The following TMEM51 variants were observed in gnomAD, a reference collection of about 807,000 sequenced individuals.
TMEM51 encodes the protein transmembrane protein 51, also known as chromosome 1 open reading frame 72.
TMEM51 carries 8 observed loss-of-function variants against 13.6 expected under a neutral mutation model. The observed-to-expected ratio is 0.59, with a 90% CI of 0.35 to 1.07. The LOEUF (loss-of-function observed/expected upper bound fraction) is 1.07, where lower values mean the gene tolerates loss of function less well. Ranked by LOEUF, TMEM51 falls within the 50% of genes least tolerant of loss-of-function variation. The pLI, the probability that TMEM51 is intolerant of heterozygous loss-of-function variation, is 0.02. For synonymous variants in TMEM51, 147 were observed against 144.4 expected, an observed-to-expected ratio of 1.02 and a Z score of -0.13; for missense variants, 279 against 330.7, an observed-to-expected ratio of 0.84 and a Z score of 1.21.
chr1:15,201,705 G>T (rs1432159768), intron 1 of TMEM51, among the ~76,000 whole-genome samples: 1 of 152,196 alleles, frequency 6.6e-6, no homozygotes, highest in Non-Finnish European at 1.5e-5. Context: ...ATGGCGAGGG[G>T]AGGGGGACAA....
At chr1:15,195,641 G>C (rs1281431978) in intron 1 of TMEM51, among the ~76,000 whole-genome samples, 1 of 152,106 alleles carries the variant, frequency 6.6e-6, no homozygotes, top group Admixed American at 6.5e-5. Context: ...CTTGAGTTCT[G>C]AGATTACTAC....
rs1026468860 is a variant in TMEM51, at chr1:15,207,320, C to T, written c.-266-3170C>T. Among the ~76,000 whole-genome samples the T allele has an allele frequency of 2.0e-5, 3 of 152,310 alleles. No individual in the cohort carries two copies. Among genetic ancestry groups the T allele is most frequent in the African/African-American group, 7.2e-5 (3 of 41,572 alleles). ...GCCACAGCACAGAACTCAGTGGTCA[C>T]GTGAGGGTCTACATCCGATTCCCAG... On this transcript the variant is annotated intron_variant, in intron 1 of 3. Transcript: ENST00000376008. The surrounding 1 kb of genome is among the most constrained non-coding windows in gnomAD (Gnocchi z 4.6).
chr1:15,201,991 G>A (rs2050233), intron 1 of TMEM51, among the ~76,000 whole-genome samples: 109,860 of 151,982 alleles, frequency 0.72, 40,495 homozygotes, highest in East Asian at 0.96. Flanking sequence ...AGTACTTAAA[G>A]TAAACGTCAG....
rs59346950 is a variant in TMEM51, at chr1:15,189,213, CT to C, written c.-266-21255del. On this transcript the variant is annotated intron_variant, in intron 1 of 3. Transcript: ENST00000376008. ...CTTCACCACACCCAGCTAATTTTTCCTTTTTTTTTTTTTTTTTTTTTTAGTA... is the reference window on the plus strand; with the variant it reads ...CTTCACCACACCCAGCTAATTTTTCCTTTTTTTTTTTTTTTTTTTTTAGTA... Among the ~76,000 whole-genome samples, 880 of 92,834 alleles carry C rather than the reference CT, an allele frequency of 9.5e-3. 18 individuals carry two copies. Among genetic ancestry groups the C allele is most frequent in the African/African-American group, 0.031 (735 of 23,436 alleles). The allele number at this position is 92,834 out of a possible 152,430, so 60.9% of individuals were successfully genotyped here.
chr1:15,219,681 A>ACTC lies in TMEM51; in HGVS notation c.705_707dup (p.Pro237dup). On this transcript the variant is annotated inframe_insertion, in exon 4 of 4. Coordinates refer to ENST00000376008, the MANE Select transcript of TMEM51 (RefSeq NM_001136218.2). ...CCCTCCTCCCTCGATAGAGCCTTTGACTCCTCCACCGCAGTATGATGAAGT... is the reference window on the plus strand; with the variant it reads ...CCCTCCTCCCTCGATAGAGCCTTTGACTCCTCCTCCACCGCAGTATGATGAAGT... 6.2e-7 allele frequency: 1 copy of ACTC among 1,613,464 alleles called. No individual in the cohort carries two copies. The highest frequency in any genetic ancestry group is 8.5e-7 in the Non-Finnish European group (1 of 1,179,962).
At chr1:15,201,155 T>C (rs1255268022) in intron 1 of TMEM51, among the ~76,000 whole-genome samples, 1 of 152,218 alleles carries the variant, frequency 6.6e-6, no homozygotes, top group Non-Finnish European at 1.5e-5. Flanking sequence ...TTTGAGCAAG[T>C]TTCTTAACTT....
chr1:15,204,027 T>C (rs1644205647), intron 1 of TMEM51, among the ~76,000 whole-genome samples: 1 of 152,244 alleles, frequency 6.6e-6, no homozygotes, highest in Non-Finnish European at 1.5e-5. Context: ...GTGACTTCTC[T>C]CCTTTTTTCT....
chr1:15,201,317 TAAA>T (rs1340563886), intron 1 of TMEM51, among the ~76,000 whole-genome samples: 1 of 151,094 alleles, frequency 6.6e-6, no homozygotes, highest in Admixed American at 6.6e-5. Flanking sequence ...TTAAGAAAAA[TAAA>T]TATATTAAAA....
At chr1:15,212,725 G>T (rs1644361053) in intron 2 of TMEM51, among the ~76,000 whole-genome samples, 1 of 152,166 alleles carries the variant, frequency 6.6e-6, no homozygotes, top group African/African-American at 2.4e-5. Flanking sequence ...GGTCCCATCT[G>T]GTCCTACCGC....
At chr1:15,217,201 A>G (rs529673945) in intron 3 of TMEM51, among the ~76,000 whole-genome samples, 1 of 152,294 alleles carries the variant, frequency 6.6e-6, no homozygotes, top group South Asian at 2.1e-4. Flanking sequence ...CAGAAGAAAA[A>G]AAAATCTCAT....
intron 1 of TMEM51, among the ~76,000 whole-genome samples, chr1:15,203,687 G>A (rs961530985): frequency 6.6e-6 from 1 of 152,110 alleles, no homozygotes; most frequent in Admixed American, 6.5e-5. Context: ...TTGTTTCTAT[G>A]TCCTCAGTGC....
In TMEM51 at chr1:15,198,542, C is replaced by T. The variant is rs183813373; in HGVS notation, c.-266-11948C>T. ...AGTGATTCTCGGTGCCTCAGCCTCCCGAGTAGCTGGGACTACAGGTGTCCG... is the reference window on the plus strand; with the variant it reads ...AGTGATTCTCGGTGCCTCAGCCTCCTGAGTAGCTGGGACTACAGGTGTCCG... On this transcript the variant is annotated intron_variant, in intron 1 of 3. Transcript: ENST00000376008. Among the ~76,000 whole-genome samples, 57 of 152,182 alleles carry T rather than the reference C, an allele frequency of 3.7e-4. 1 individual carries two copies. Among genetic ancestry groups the T allele is most frequent in the Admixed American group, 2.9e-3 (44 of 15,294 alleles).
At chr1:15,196,723 C>G (rs1307683398) in intron 1 of TMEM51, among the ~76,000 whole-genome samples, 2 of 151,974 alleles carry the variant, frequency 1.3e-5, no homozygotes, top group African/African-American at 4.8e-5. Context: ...CATGTCATTT[C>G]AAAAAAATTG....
intron 1 of TMEM51, among the ~76,000 whole-genome samples, chr1:15,162,522 C>T (rs1642817745): frequency 1.3e-5 from 2 of 151,972 alleles, no homozygotes; most frequent in South Asian, 4.2e-4. Context: ...TATCAATGCT[C>T]AAAAGAATTG....
intron 1 of TMEM51, among the ~76,000 whole-genome samples, chr1:15,193,379 C>G (rs1343420794): frequency 6.6e-6 from 1 of 152,134 alleles, no homozygotes; most frequent in Non-Finnish European, 1.5e-5. Context: ...CTTGAGATCA[C>G]AGGCTGGCAC....
Position 15,214,875 on chromosome 1 carries a change from T to A in TMEM51, c.-193-20T>A. 1 of 577,892 alleles carries A rather than the reference T, an allele frequency of 1.7e-6. No homozygotes were observed. The highest frequency in any genetic ancestry group is 3.1e-6 in the Non-Finnish European group (1 of 327,286). 35.8% of individuals were successfully genotyped at this position (577,892 alleles called of 1,614,324 possible). A position where few individuals can be genotyped will look rare whatever the true frequency, so the allele number is the denominator to read the frequency against. On this transcript the variant is annotated intron_variant, in intron 2 of 3. Coordinates refer to ENST00000376008, the MANE Select transcript of TMEM51 (RefSeq NM_001136218.2). ...AATCGGAACTGATCGTCCTCTCTGCTCTTTCTGCTTTCCTTCCAGGCCCTT... is the reference window on the plus strand; with the variant it reads ...AATCGGAACTGATCGTCCTCTCTGCACTTTCTGCTTTCCTTCCAGGCCCTT...
chr1:15,157,969 A>G (rs10927689), intron 1 of TMEM51, among the ~76,000 whole-genome samples: 26,866 of 152,016 alleles, frequency 0.18, 2,683 homozygotes, highest in African/African-American at 0.27. Flanking sequence ...GTTGCTTTTG[A>G]AAAAATAGAG....
At chr1:15,194,271 T>C (rs1644000568) in intron 1 of TMEM51, among the ~76,000 whole-genome samples, 1 of 152,238 alleles carries the variant, frequency 6.6e-6, no homozygotes. Context: ...CTCGACATGT[T>C]CAAAATATGT....
At chr1:15,205,796 C>T (rs764177639) in intron 1 of TMEM51, among the ~76,000 whole-genome samples, 9 of 152,178 alleles carry the variant, frequency 5.9e-5, no homozygotes, top group Admixed American at 1.3e-4. Flanking sequence ...CTTTCTCTGA[C>T]GCTGACTTCC....
Sources: gnomAD v4.1 joint callset for allele counts (sites outside exome capture counted in the v4.1 genomes callset) on GRCh38, gnomAD v4.1.1 for gene constraint, Gnocchi (gnomAD v3.1) non-coding constraint, MANE v1.5 for transcripts, NCBI Gene and HGNC (gene_info 2026-07-23, HGNC 2026-07-21) for gene names.